Variants in TRAK1 observed in about 807,000 individuals in gnomAD.
TRAK1 encodes trafficking kinesin-binding protein 1.
A neutral mutation model predicts 92.1 loss-of-function variants in TRAK1; 33 were observed. That is an observed-to-expected ratio of 0.36 (90% confidence interval 0.27 to 0.48). The LOEUF is 0.48. Ranked by LOEUF, TRAK1 falls within the 20% of genes least tolerant of loss-of-function variation. The probability of loss-of-function intolerance (pLI) is 0.99; values close to 1 mark genes in which losing one functional copy is unlikely to be tolerated. For synonymous variants in TRAK1, 521 were observed against 517.3 expected (o/e 1.01, Z -0.10); for missense variants, 1,123 against 1,257.9 (o/e 0.89, Z 1.62).
chr3:42,098,153 A>G (rs909618959), intron 1 of TRAK1, among the ~76,000 whole-genome samples: 5 of 147,108 alleles, frequency 3.4e-5, no homozygotes, highest in Admixed American at 6.8e-5. Flanking sequence ...CTCTTCCTCC[A>G]TCCCCACTCC....
chr3:42,030,555 C>T (rs1702092242), intron 1 of TRAK1, among the ~76,000 whole-genome samples: 1 of 148,894 alleles, frequency 6.7e-6, no homozygotes, highest in African/African-American at 2.5e-5. Flanking sequence ...TGCCTGTAAT[C>T]CCAGCTATTT....
At chr3:42,152,238 A>T (rs1700040948) in intron 2 of TRAK1, among the ~76,000 whole-genome samples, 2 of 152,202 alleles carry the variant, frequency 1.3e-5, no homozygotes, top group Non-Finnish European at 2.9e-5. Flanking sequence ...AATAAGAGGC[A>T]TGGGACAGGG....
At chr3:42,191,893 G>A (rs1213676158) in intron 7 of TRAK1, among the ~76,000 whole-genome samples, 1 of 55,732 alleles carries the variant, frequency 1.8e-5, no homozygotes, top group African/African-American at 7.6e-5. Context: ...TGGAATATTG[G>A]AATTTTTTTT....
chr3:42,056,368 A>T (rs1576198605), intron 1 of TRAK1, among the ~76,000 whole-genome samples: 2 of 152,332 alleles, frequency 1.3e-5, no homozygotes, highest in Admixed American at 1.3e-4. Flanking sequence ...CTTTTTGATT[A>T]TAGAAATCCT....
intron 4 of TRAK1, 57 bp from the exon 5 acceptor site, chr3:42,187,987 CG>C (rs765132608): frequency 2.0e-5 from 28 of 1,424,416 alleles, no homozygotes; most frequent in Non-Finnish European, 2.3e-5. Flanking sequence ...GAATGTGAGT[CG>C]GGGGGGACAG....
chr3:42,218,446 G>A (rs1709953208), intron 14 of TRAK1: 1 of 984,452 alleles, frequency 1.0e-6, no homozygotes, highest in Non-Finnish European at 1.2e-6. Flanking sequence ...GGCAGAGGGT[G>A]GGGTGGGGTT....
At chr3:42,018,829 A>G (rs1701624772) in intron 1 of TRAK1, among the ~76,000 whole-genome samples, 1 of 152,228 alleles carries the variant, frequency 6.6e-6, no homozygotes, top group Admixed American at 6.5e-5. Context: ...TGTCACTTAA[A>G]ATGCATATTA....
chr3:42,205,159 T>C (rs1708184708), intron 13 of TRAK1, among the ~76,000 whole-genome samples: 1 of 152,202 alleles, frequency 6.6e-6, no homozygotes, highest in South Asian at 2.1e-4. Flanking sequence ...TGGCATCTAA[T>C]AGGTGCTTAT....
intron 1 of TRAK1, among the ~76,000 whole-genome samples, chr3:42,019,752 A>T (rs1701663279): frequency 6.6e-6 from 1 of 152,180 alleles, no homozygotes. Flanking sequence ...AATAATTTCC[A>T]GTTTGAGATT....
chr3:42,080,757 A>C (rs1248590285), intron 1 of TRAK1, among the ~76,000 whole-genome samples: 1 of 152,044 alleles, frequency 6.6e-6, no homozygotes, highest in Non-Finnish European at 1.5e-5. Flanking sequence ...ACATGCTGTG[A>C]CTCATTCTTC....
chr3:42,157,489 A>G (rs949904213), intron 2 of TRAK1, among the ~76,000 whole-genome samples: 36 of 144,824 alleles, frequency 2.5e-4, no homozygotes, highest in Non-Finnish European at 3.2e-4. Context: ...AAAAAAAAAA[A>G]GGTTAACATT....
upstream of TRAK1, among the ~76,000 whole-genome samples, chr3:42,082,666 A>AC (rs1432434338): frequency 5.3e-5 from 8 of 152,066 alleles, no homozygotes; most frequent in Non-Finnish European, 1.2e-4. Flanking sequence ...TAAAAAAAAA[A>AC]ACACAAAAAA....
chr3:42,093,152 A>G (rs1263121592), intron 1 of TRAK1, among the ~76,000 whole-genome samples: 1 of 152,204 alleles, frequency 6.6e-6, no homozygotes, highest in Non-Finnish European at 1.5e-5. Flanking sequence ...GAGTGAGAAA[A>G]TGTAAATTAC....
At chr3:42,197,566 G>A (rs1235656876) in intron 10 of TRAK1, among the ~76,000 whole-genome samples, 2 of 152,130 alleles carry the variant, frequency 1.3e-5, no homozygotes, top group Non-Finnish European at 2.9e-5. Context: ...GTGTATGAAG[G>A]TCCTTTCTTC....
intron 2 of TRAK1, among the ~76,000 whole-genome samples, chr3:42,153,843 G>T (rs72869951): frequency 1.3e-5 from 2 of 152,026 alleles, no homozygotes; most frequent in African/African-American, 2.4e-5. Flanking sequence ...ATTTTCCTAC[G>T]TGTTGACGCA....
intron 6 of TRAK1, 57 bp from the exon 7 acceptor site, chr3:42,191,501 C>T: frequency 6.6e-7 from 1 of 1,523,628 alleles, no homozygotes; most frequent in Non-Finnish European, 8.9e-7. Context: ...TCAGCCCTTG[C>T]CTGCACCACC....
intron 1 of TRAK1, among the ~76,000 whole-genome samples, chr3:42,114,993 G>A (rs1023623206): frequency 1.3e-5 from 2 of 152,162 alleles, no homozygotes; most frequent in Middle Eastern, 3.2e-3. Flanking sequence ...GATTACAGGC[G>A]TGAGCCACTG....
At chr3:42,185,973 CTTTTTTT>C (rs1054954407) in intron 4 of TRAK1, among the ~76,000 whole-genome samples, 9 of 83,974 alleles carry the variant, frequency 1.1e-4, no homozygotes, top group Admixed American at 1.5e-4. Flanking sequence ...TGTGCCCAGC[CTTTTTTT>C]TTTTTTTTTT....
chr3:42,223,286 C>G lies in TRAK1; in HGVS notation c.2411C>G (p.Pro804Arg), dbSNP rs1710535620. The G allele has an allele frequency of 1.2e-6, 2 of 1,614,124 alleles. No homozygotes were observed. The highest frequency in any genetic ancestry group is 8.5e-7 in the Non-Finnish European group (1 of 1,180,058). Residue 804 changes from proline to arginine, a missense_variant, in exon 16 of 16, where the codon CCT becomes CGT. Physicochemically the swap from Pro to Arg is moderately radical, Grantham distance 103 (BLOSUM62 -2). This residue lies in a region of TRAK1 where 401 missense variants were observed against 438.9 expected (regional missense o/e 0.91). Coordinates refer to ENST00000327628, the MANE Select transcript of TRAK1 (RefSeq NM_001042646.3). This position sits in a 1 kb window ranked among gnomAD's most constrained non-coding sequence, Gnocchi z 6.1. ...TCCTTTGAGTTCAAGTGCACGAGCC[C>G]TCCCTACGACAATTTCCTGGCTTCC... ...PPSFEFKCTS[P>R]PYDNFLASKP...
Sources: gnomAD v4.1 joint callset for allele counts (sites outside exome capture counted in the v4.1 genomes callset) on GRCh38, gnomAD v4.1.1 for gene constraint, gnomAD v4.1.1 regional missense constraint, Gnocchi (gnomAD v3.1) non-coding constraint, MANE v1.5 for transcripts, NCBI Gene and HGNC (gene_info 2026-07-23, HGNC 2026-07-21) for gene names.